The following PREX1 variants were observed in gnomAD, a reference collection of about 807,000 sequenced individuals.
PREX1 encodes phosphatidylinositol-3,4,5-trisphosphate dependent Rac exchange factor 1.
A neutral mutation model predicts 198.3 loss-of-function variants in PREX1; 41 were observed. The ratio of observed to expected loss-of-function variants is 0.21; its 90% CI spans 0.16 to 0.27. The LOEUF (loss-of-function observed/expected upper bound fraction) is 0.27. PREX1 is among the 10% of genes least tolerant of loss of function. PREX1 has a pLI of 1.00. For missense variants in PREX1, 1,620 were observed against 2,200.7 expected, an observed-to-expected ratio of 0.74 and a Z score of 5.28; for synonymous variants, 843 against 887.2, an observed-to-expected ratio of 0.95 and a Z score of 0.89.
At position 48,716,459 on chromosome 20, in the gene PREX1, T is replaced by A. The variant is rs73911646; in HGVS notation, c.622-8038A>T. On this transcript the variant is annotated intron_variant, in intron 5 of 39. Transcript: ENST00000371941. ...CCCAAGGGCAACAAACAAACGTGGC[T>A]AGAGCCAGCTCCTACTGGCTCACTC... is the stretch of plus-strand genomic sequence containing the variant. Among the ~76,000 whole-genome samples the A allele has an allele frequency of 8.8e-3, 1,338 of 152,292 alleles. 20 individuals carry two copies. The highest frequency in any genetic ancestry group is 0.031 in the African/African-American group (1,279 of 41,576).
At chr20:48,763,151 A>T (rs1022461859) in intron 1 of PREX1, among the ~76,000 whole-genome samples, 11 of 152,270 alleles carry the variant, frequency 7.2e-5, no homozygotes, top group African/African-American at 2.7e-4. Flanking sequence ...CTATTACACC[A>T]AAAGAAGAAA....
At chr20:48,744,490 T>C (rs1053244918) in intron 3 of PREX1, among the ~76,000 whole-genome samples, 3 of 152,190 alleles carry the variant, frequency 2.0e-5, no homozygotes, top group African/African-American at 7.2e-5. Flanking sequence ...GGAAAAGCAG[T>C]TGCCTTCCTT....
At chr20:48,648,763 G>A (rs889425844) in intron 25 of PREX1, among the ~76,000 whole-genome samples, 15 of 152,060 alleles carry the variant, frequency 9.9e-5, no homozygotes, top group South Asian at 2.1e-4. Flanking sequence ...TGATTTGGCC[G>A]GATGCCTCCC....
intron 1 of PREX1, among the ~76,000 whole-genome samples, chr20:48,787,578 G>A (rs372618325): frequency 5.4e-5 from 8 of 148,740 alleles, no homozygotes; most frequent in Non-Finnish European, 1.0e-4. Context: ...TAAGCAGGAC[G>A]ACGAAAACCC....
At chr20:48,883,922 C>G in the PREX1 span, among the ~76,000 whole-genome samples, 19 of 152,004 alleles carry the variant, frequency 1.2e-4, no homozygotes, top group Admixed American at 6.6e-4. Flanking sequence ...GGGCAGATCA[C>G]GAGGTCAGCA....
intron 1 of PREX1, among the ~76,000 whole-genome samples, chr20:48,794,450 G>C (rs527741411): frequency 1.9e-4 from 29 of 152,362 alleles, no homozygotes; most frequent in African/African-American, 6.7e-4. Context: ...CAGAAGGAAA[G>C]AGGCCAGGAG....
intron 1 of PREX1, among the ~76,000 whole-genome samples, chr20:48,799,880 C>T (rs2090378992): frequency 6.6e-6 from 1 of 152,180 alleles, no homozygotes; most frequent in Non-Finnish European, 1.5e-5. Flanking sequence ...GGCACCTCCA[C>T]CCATCCAGAT....
At chr20:48,787,326 C>G (rs751595964) in intron 1 of PREX1, among the ~76,000 whole-genome samples, 3 of 151,668 alleles carry the variant, frequency 2.0e-5, no homozygotes, top group Non-Finnish European at 4.4e-5. Flanking sequence ...CTGGCTCTGT[C>G]TAGTGATTTC....
the PREX1 span, among the ~76,000 whole-genome samples, chr20:48,836,257 A>C: frequency 9.9e-5 from 15 of 152,202 alleles, no homozygotes; most frequent in Admixed American, 2.0e-4. Context: ...CAGGCTGGAG[A>C]TAGAAATGTA....
chr20:48,628,971 C>CGG, intron 37 of PREX1, among the ~76,000 whole-genome samples: 1 of 152,074 alleles, frequency 6.6e-6, no homozygotes, highest in Admixed American at 6.5e-5. Flanking sequence ...GTGAGGGCTG[C>CGG]AGAGGAAGAG....
At chr20:48,679,470 C>A in intron 12 of PREX1, 61 bp from the exon 13 acceptor site, 1 of 1,546,250 alleles carries the variant, frequency 6.5e-7, no homozygotes, top group Non-Finnish European at 8.9e-7. Context: ...GCCTCCAAAT[C>A]CAGGCTGATG....
intron 39 of PREX1, 56 bp downstream of exon 39, chr20:48,627,492 G>C: frequency 1.3e-6 from 2 of 1,588,508 alleles, no homozygotes; most frequent in Non-Finnish European, 1.7e-6. Context: ...GCCAAAGCCA[G>C]GCCTGGGTCG....
chr20:48,691,179 C>G lies in PREX1; in HGVS notation c.1037-83G>C, dbSNP rs2089817437. On this transcript the variant is annotated intron_variant, in intron 8 of 39. Transcript: ENST00000371941. The surrounding 1 kb of genome is among the most constrained non-coding windows in gnomAD (Gnocchi z 5.0). Reference sequence around the variant, plus strand: ...TCCCCATTGCCAAGCCCTTCCGCCCCAGCACAGGCAGGGCCCTCGCCTGGA... The same window carrying G: ...TCCCCATTGCCAAGCCCTTCCGCCCGAGCACAGGCAGGGCCCTCGCCTGGA... 1 of 1,562,466 alleles carries G rather than the reference C, an allele frequency of 6.4e-7. No individual in the cohort carries two copies. Among genetic ancestry groups the G allele is most frequent in the Admixed American group, 1.7e-5 (1 of 58,730 alleles).
chr20:48,641,957 CAAAAGA>C (rs979890397), intron 29 of PREX1, among the ~76,000 whole-genome samples: 1 of 150,648 alleles, frequency 6.6e-6, no homozygotes, highest in Non-Finnish European at 1.5e-5. Flanking sequence ...GGGGAAAGGT[CAAAAGA>C]AAAAGAAAAA....
At position 48,812,394 on chromosome 20, in the gene PREX1, ATAAGAGGAATGGGTAAATAATG is replaced by A. The variant is rs1388835357; in HGVS notation, c.219+15226_219+15247del. On this transcript the variant is annotated intron_variant, in intron 1 of 39. Transcript: ENST00000371941. ...AATATAAGAGGAATGGGTAAATAAT[ATAAGAGGAATGGGTAAATAATG>A]TAAGAGGAATGGGTAAATAATGTAA... 2.1e-4 allele frequency among the ~76,000 whole-genome samples: 30 copies of A among 141,566 alleles called. 1 individual carries two copies. The highest frequency in any genetic ancestry group is 2.8e-4 in the Non-Finnish European group (18 of 63,370). The allele number at this position is 141,566 out of a possible 152,430, so 92.9% of individuals were successfully genotyped here. A position where few individuals can be genotyped will look rare whatever the true frequency, so the allele number is the denominator to read the frequency against.
chr20:48,849,483 G>A, the PREX1 span: 2 of 152,192 alleles, frequency 1.3e-5, no homozygotes, highest in Admixed American at 1.3e-4. Flanking sequence ...TAGCTCAGCT[G>A]GGGCAGGGAA....
chr20:48,726,962 G>A (rs1005845327), intron 4 of PREX1, among the ~76,000 whole-genome samples: 5 of 152,176 alleles, frequency 3.3e-5, no homozygotes, highest in African/African-American at 9.7e-5. Flanking sequence ...CAACACGGGC[G>A]AACCCCAAAA....
intron 6 of PREX1, among the ~76,000 whole-genome samples, chr20:48,703,484 G>T (rs1275754999): frequency 6.6e-6 from 1 of 152,156 alleles, no homozygotes; most frequent in Non-Finnish European, 1.5e-5. Flanking sequence ...GCATCCTCGC[G>T]AACTCCCTGG....
chr20:48,861,244 A>G, the PREX1 span, among the ~76,000 whole-genome samples: 1 of 152,198 alleles, frequency 6.6e-6, no homozygotes, highest in South Asian at 2.1e-4. Context: ...GAGTTCTAAC[A>G]TTGACTTTGG....
Sources: gnomAD v4.1 joint callset for allele counts (sites outside exome capture counted in the v4.1 genomes callset) on GRCh38, gnomAD v4.1.1 for gene constraint, Gnocchi (gnomAD v3.1) non-coding constraint, MANE v1.5 for transcripts, NCBI Gene and HGNC (gene_info 2026-07-23, HGNC 2026-07-21) for gene names.